Variants in PCGF1 observed in about 807,000 individuals in gnomAD.
The protein encoded by PCGF1 is polycomb group ring finger 1, also known as polycomb group RING finger protein 1.
Under a neutral mutation model 38.8 loss-of-function variants are expected in PCGF1, and 10 were observed. That is an observed-to-expected ratio of 0.26 (90% confidence interval 0.16 to 0.44). The LOEUF is 0.44. Ranked by LOEUF, PCGF1 falls within the 20% of genes least tolerant of loss-of-function variation. PCGF1 has a pLI of 1.00. For synonymous variants in PCGF1, 119 were observed against 121.3 expected (o/e 0.98, Z 0.12); for missense variants, 230 against 331.5 (o/e 0.69, Z 2.38).
chr2:74,507,421 C>G, intron 1 of PCGF1, 155 bp downstream of exon 1: 1 of 1,462,138 alleles, frequency 6.8e-7, no homozygotes. Flanking sequence ...GCGTCCTAAC[C>G]GGAGTTTGGC....
intron 2 of PCGF1, 50 bp from the exon 3 acceptor site, chr2:74,506,934 T>C (rs2104316026): frequency 1.2e-6 from 2 of 1,612,358 alleles, no homozygotes; most frequent in East Asian, 2.2e-5. Context: ...ACTGGATTCA[T>C]GGGCTGGGTG....
intron 3 of PCGF1, 108 bp downstream of exon 3, chr2:74,506,624 C>T: frequency 1.6e-6 from 2 of 1,258,276 alleles, no homozygotes; most frequent in South Asian, 1.2e-5. Context: ...TTGTCCTTCC[C>T]TCATCTTTGG....
At position 74,506,203 on chromosome 2, in the gene PCGF1, C is replaced by A. The variant is rs775643368; in HGVS notation, c.402G>T (p.Arg134=). The A allele has an allele frequency of 6.2e-7, 1 of 1,614,164 alleles. No homozygotes were observed. ...REFYQSRGLD[R]VTQPTGEEPA... ...TACCTTCCCCAGTGGGCTGGGTGAC[C>A]CGGTCCAAACCTCGGGACTGGTAGA... The change falls in exon 4 of 9, where the codon CGG becomes CGT. Residue 134 remains arginine, a synonymous_variant. Coordinates refer to ENST00000233630, the MANE Select transcript of PCGF1 (RefSeq NM_032673.3).
At chr2:74,506,081 TG>T in intron 4 of PCGF1, 24 bp from the exon 5 acceptor site, 1 of 1,613,180 alleles carries the variant, frequency 6.2e-7, no homozygotes, top group Non-Finnish European at 8.5e-7. Context: ...GGTAGTGAGG[TG>T]GCTGGTGGCA....
At chr2:74,507,469 G>A in intron 1 of PCGF1, 107 bp downstream of exon 1, 3 of 1,507,064 alleles carry the variant, frequency 2.0e-6, no homozygotes, top group Non-Finnish European at 2.7e-6. Flanking sequence ...TGGGCACTCT[G>A]TCTCTGCGCA....
intron 3 of PCGF1, 38 bp from the exon 4 acceptor site, chr2:74,506,290 C>G (rs1403380576): frequency 6.2e-7 from 1 of 1,603,794 alleles, no homozygotes; most frequent in African/African-American, 1.3e-5. Context: ...AGTATTAGCC[C>G]TTCGGGGCCG....
At position 74,507,015 on chromosome 2, in the gene PCGF1, G is replaced by A. The variant is rs374604995; in HGVS notation, c.199+27C>T. 48 of 1,607,834 alleles carry A rather than the reference G, an allele frequency of 3.0e-5. 1 individual carries two copies. The highest frequency in any genetic ancestry group is 1.9e-4 in the African/African-American group (14 of 74,916). Reference sequence around the variant, plus strand: ...GCTTGGTGAAGACTAGGGACTGGAAGAACTAGGCAGTCTCCAAGGCACTCA... The same window carrying A: ...GCTTGGTGAAGACTAGGGACTGGAAAAACTAGGCAGTCTCCAAGGCACTCA... On this transcript the variant is annotated intron_variant, in intron 2 of 8. Coordinates refer to ENST00000233630, the MANE Select transcript of PCGF1 (RefSeq NM_032673.3).
At chr2:74,505,274 G>A in intron 8 of PCGF1, 65 bp downstream of exon 8, 1 of 1,576,726 alleles carries the variant, frequency 6.3e-7, no homozygotes, top group Non-Finnish European at 8.6e-7. Context: ...CTTCCCCTGA[G>A]GACTGTAGGA....
rs1239901563 is a variant in PCGF1, at chr2:74,505,561, G to T, written c.642C>A (p.Asn214Lys). Residue 214 changes from asparagine to lysine, a missense_variant, in exon 7 of 9, where the codon AAC (asparagine) becomes AAA (lysine). Asn to Lys is a moderately conservative substitution (Grantham distance 94). This residue lies in a region of PCGF1 where 144 missense variants were observed against 182.4 expected (regional missense o/e 0.79). Coordinates refer to ENST00000233630, the MANE Select transcript of PCGF1 (RefSeq NM_032673.3). ...CTGTGGGACTACTCACATGCTGAGG[G>T]TTTAGCATCAAGCGGTGACACAGGA... ...RRVLCHRLMLNPQHVQLLFDN... is the reference protein window; with the variant it reads ...RRVLCHRLMLKPQHVQLLFDN... 3 of 1,614,020 alleles carry T rather than the reference G, an allele frequency of 1.9e-6. No individual in the cohort carries two copies. The highest frequency in any genetic ancestry group is 1.7e-5 in the Admixed American group (1 of 60,006).
chr2:74,507,509 C>T, intron 1 of PCGF1, 67 bp downstream of exon 1: 7 of 1,537,464 alleles, frequency 4.6e-6, no homozygotes, highest in Non-Finnish European at 6.1e-6. Flanking sequence ...CAGCCACCGC[C>T]CGTCCTTTAG....
At chr2:74,506,491 T>G in intron 3 of PCGF1, 1 of 610,734 alleles carries the variant, frequency 1.6e-6, no homozygotes, top group East Asian at 2.8e-5. Flanking sequence ...GGCAGGAGAA[T>G]GGCATGAATC....
In PCGF1 at chr2:74,507,026, T is replaced by G. The variant is rs746382376; in HGVS notation, c.199+16A>C. The stretch of plus-strand genomic sequence containing the variant: ...ACTAGGGACTGGAAGAACTAGGCAG[T>G]CTCCAAGGCACTCACAAGTATGAAG... On this transcript the variant is annotated intron_variant, in intron 2 of 8. Transcript: ENST00000233630. The G allele has an allele frequency of 1.7e-5, 27 of 1,611,644 alleles. No individual in the cohort carries two copies. In the East Asian group the frequency reaches 4.9e-4, roughly 29 times the overall value.
At chr2:74,505,243 CA>C in intron 8 of PCGF1, 53 bp from the exon 9 acceptor site, 1 of 1,564,990 alleles carries the variant, frequency 6.4e-7, no homozygotes. Flanking sequence ...TTATATTATT[CA>C]AAGGGCCCCT....
Position 74,506,201 on chromosome 2 carries a change from A to C in PCGF1, c.404T>G (p.Val135Gly). The change falls in exon 4 of 9, where the codon GTC (valine) becomes GGC (glycine). Residue 135 changes from valine to glycine, a missense_variant. Coordinates refer to ENST00000233630, the MANE Select transcript of PCGF1 (RefSeq NM_032673.3). ...CATACCTTCCCCAGTGGGCTGGGTG[A>C]CCCGGTCCAAACCTCGGGACTGGTA... ...EFYQSRGLDRVTQPTGEEPAL... is the reference protein window; with the variant it reads ...EFYQSRGLDRGTQPTGEEPAL... 6.2e-7 allele frequency: 1 copy of C among 1,614,144 alleles called. No individual in the cohort carries two copies. Among genetic ancestry groups the C allele is most frequent in the Non-Finnish European group, 8.5e-7 (1 of 1,180,028 alleles).
intron 1 of PCGF1, chr2:74,507,369 T>C (rs1674664819): frequency 1.4e-6 from 2 of 1,449,380 alleles, no homozygotes; most frequent in Non-Finnish European, 9.0e-7. Context: ...TGACCCTCCT[T>C]TCCCAGGGGA....
In PCGF1 at chr2:74,506,799, C is replaced by T; in HGVS notation, c.285G>A (p.Leu95=). 6 of 1,614,194 alleles carry T rather than the reference C, an allele frequency of 3.7e-6. No individual in the cohort carries two copies. Among genetic ancestry groups the T allele is most frequent in the Non-Finnish European group, 5.1e-6 (6 of 1,180,024 alleles). Reference sequence around the variant, plus strand: ...TGACCCGGTCCAGTTTGAGGTTGAGCAGTGGCTGTGTCTCGTGGATCTTAA... The same window carrying T: ...TGACCCGGTCCAGTTTGAGGTTGAGTAGTGGCTGTGTCTCGTGGATCTTAA... ...CNIKIHETQP[L]LNLKLDRVMQ... Residue 95 remains leucine (L), a synonymous_variant, in exon 3 of 9, where the codon CTG becomes CTA. Coordinates refer to ENST00000233630, the MANE Select transcript of PCGF1 (RefSeq NM_032673.3).
At position 74,506,781 on chromosome 2, in the gene PCGF1, G is replaced by A. The variant is rs755056669; in HGVS notation, c.303C>T (p.Asp101=). ...ETQPLLNLKL[D]RVMQDIVYKL... ...TATACACGATGTCCTGCATGACCCG[G>A]TCCAGTTTGAGGTTGAGCAGTGGCT... The change falls in exon 3 of 9, where the codon GAC becomes GAT. Residue 101 remains aspartate (D), a synonymous_variant. Transcript: ENST00000233630. 10 of 1,614,152 alleles carry A rather than the reference G, an allele frequency of 6.2e-6. No individual in the cohort carries two copies. In the East Asian group the frequency reaches 2.2e-4, roughly 36 times the overall value.
At position 74,506,721 on chromosome 2, in the gene PCGF1, T is replaced by G. The variant is rs1206273860; in HGVS notation, c.352+11A>C. ...CTCAAGAGGCCCCTCAAAGTCAGGT[T>G]GGTGACTCACTGTCTTGCAAGCCAG... On this transcript the variant is annotated intron_variant, in intron 3 of 8. Transcript: ENST00000233630. 1 of 1,613,274 alleles carries G rather than the reference T, an allele frequency of 6.2e-7. No homozygotes were observed. Among genetic ancestry groups the G allele is most frequent in the East Asian group, 2.2e-5 (1 of 44,894 alleles).
intron 6 of PCGF1, 21 bp from the exon 7 acceptor site, chr2:74,505,659 G>A (rs1026602995): frequency 6.2e-6 from 10 of 1,614,138 alleles, no homozygotes; most frequent in Non-Finnish European, 8.5e-6. Flanking sequence ...GGAGGGGAGG[G>A]AAGAGGGCAA....
Sources: gnomAD v4.1 joint callset for allele counts on GRCh38, gnomAD v4.1.1 for gene constraint, gnomAD v4.1.1 regional missense constraint, MANE v1.5 for transcripts, NCBI Gene and HGNC (gene_info 2026-07-23, HGNC 2026-07-21) for gene names.